The following C4orf50 variants were observed in gnomAD, a reference collection of about 807,000 sequenced individuals.
The protein encoded by C4orf50 is chromosome 4 open reading frame 50.
In C4orf50, 80 loss-of-function variants were observed where a neutral mutation model predicts 77.2. The observed-to-expected ratio is 1.04, with a 90% CI of 0.87 to 1.25. The LOEUF is 1.25. Ranked by LOEUF, C4orf50 falls within the 50% of genes most tolerant of loss-of-function variation. The pLI, the probability that C4orf50 is intolerant of heterozygous loss-of-function variation, is 0.00. For synonymous variants in C4orf50, 532 were observed against 465.3 expected, an observed-to-expected ratio of 1.14 and a Z score of -1.84; for missense variants, 1,257 against 1,152.9, an observed-to-expected ratio of 1.09 and a Z score of -1.31.
In C4orf50 at chr4:5,990,849, G is replaced by A. The variant is rs78032214; in HGVS notation, c.1222-25C>T. On this transcript the variant is annotated intron_variant, in intron 27 of 33. Transcript: ENST00000531445. ...GCTACAAATGGAGAGAGAAGATGAGGTGTGAAACAGCCCCTTCCTCCATTT... is the reference window on the plus strand; with the variant it reads ...GCTACAAATGGAGAGAGAAGATGAGATGTGAAACAGCCCCTTCCTCCATTT... 1,343 of 399,132 alleles carry A rather than the reference G, an allele frequency of 3.4e-3. 16 individuals carry two copies. Among genetic ancestry groups the A allele is most frequent in the African/African-American group, 0.025 (1,216 of 48,738 alleles). 24.7% of individuals were successfully genotyped at this position (399,132 alleles called of 1,614,324 possible). A position where few individuals can be genotyped will look rare whatever the true frequency, so the allele number is the denominator to read the frequency against.
intron 28 of C4orf50, among the ~76,000 whole-genome samples, chr4:5,981,372 G>C (rs1039990263): frequency 2.0e-5 from 3 of 151,724 alleles, no homozygotes; most frequent in Non-Finnish European, 4.4e-5. Flanking sequence ...AGATCATCAG[G>C]GGGTATTTCC....
In C4orf50 at chr4:5,964,683, G is replaced by A. The variant is rs184419378; in HGVS notation, c.4275+341C>T. ...CTTGGGAGGCTGAGGCAGGAGAATC[G>A]CTTGAAACCAGGAGGCAGAGGTTGC... is the stretch of plus-strand genomic sequence containing the variant. On this transcript the variant is annotated intron_variant, in intron 33 of 33. Coordinates refer to ENST00000531445, the Ensembl canonical transcript of C4orf50. Among the ~76,000 whole-genome samples the A allele has an allele frequency of 8.2e-3, 1,213 of 148,462 alleles. 20 individuals are homozygous for A. Among genetic ancestry groups the A allele is most frequent in the African/African-American group, 0.029 (1,152 of 39,990 alleles).
chr4:5,975,499 T>A (rs1175870270), intron 30 of C4orf50, among the ~76,000 whole-genome samples: 1 of 15,456 alleles, frequency 6.5e-5, no homozygotes. Flanking sequence ...GCGGTTTTTT[T>A]GTTTTGTTTT....
At chr4:5,980,531 A>G (rs150356934) in intron 28 of C4orf50, among the ~76,000 whole-genome samples, 193 bp from the exon 7 acceptor site, 1 of 152,210 alleles carries the variant, frequency 6.6e-6, no homozygotes, top group Non-Finnish European at 1.5e-5. Context: ...ATTATCCTGT[A>G]GAATCTTTAT....
chr4:6,016,534 G>C (rs1020549222), intron 23 of C4orf50, among the ~76,000 whole-genome samples: 1 of 152,176 alleles, frequency 6.6e-6, no homozygotes, highest in Non-Finnish European at 1.5e-5. Flanking sequence ...GGGTGACAGA[G>C]TAAGACTCCA....
intron 7 of C4orf50, among the ~76,000 whole-genome samples, chr4:5,935,784 T>TAAAAAAAAAAAAAAAAA (rs769910855): frequency 9.5e-5 from 3 of 31,494 alleles, no homozygotes; most frequent in African/African-American, 2.4e-4. Flanking sequence ...AGACTCCGTC[T>TAAAAAAAAAAAAAAAAA]AAAAAAAAAA....
intron 7 of C4orf50, among the ~76,000 whole-genome samples, chr4:5,948,169 G>A (rs1718561337): frequency 6.6e-6 from 1 of 152,240 alleles, no homozygotes; most frequent in Admixed American, 6.5e-5. Flanking sequence ...GACTGAGAGA[G>A]CAAGGCTCAT....
chr4:5,981,821 A>G (rs541251369), intron 28 of C4orf50, among the ~76,000 whole-genome samples: 25 of 143,888 alleles, frequency 1.7e-4, no homozygotes, highest in Admixed American at 1.7e-3. Context: ...ACGCTTCTCA[A>G]ACTCCCTTCC....
chr4:5,903,141 A>C (rs1716410936), intron 7 of C4orf50: 1 of 152,078 alleles, frequency 6.6e-6, no homozygotes, highest in Admixed American at 6.6e-5. Context: ...CAGTCCACTG[A>C]GTGGGGTGCC....
intron 7 of C4orf50, among the ~76,000 whole-genome samples, chr4:5,927,380 T>G (rs1717564578): frequency 6.6e-6 from 1 of 152,056 alleles, no homozygotes; most frequent in Non-Finnish European, 1.5e-5. Flanking sequence ...TTGTTTCCCC[T>G]GCCTGGAGCT....
rs1375255849 is a variant in C4orf50 at position 6,008,605 on chromosome 4, G to A, written c.427-73C>T. The A allele has an allele frequency of 5.1e-6, 2 of 395,476 alleles. No individual in the cohort carries two copies. Among genetic ancestry groups the A allele is most frequent in the Non-Finnish European group, 8.9e-6 (2 of 224,172 alleles). 24.5% of individuals were successfully genotyped at this position (395,476 alleles called of 1,614,324 possible). On this transcript the variant is annotated intron_variant, in intron 24 of 33. Coordinates refer to ENST00000531445, the Ensembl canonical transcript of C4orf50. This position sits in a 1 kb window ranked among gnomAD's most constrained non-coding sequence, Gnocchi z 6.0. ...CCATGGTTCACATTGGTCCTGTCTT[G>A]ACTTAACATTTCTGTATTTTGTGCA...
At chr4:5,976,481 A>T (rs1720296704) in intron 29 of C4orf50, among the ~76,000 whole-genome samples, 1 of 145,272 alleles carries the variant, frequency 6.9e-6, no homozygotes, top group South Asian at 2.2e-4. Flanking sequence ...AAAAAAAAAA[A>T]AGAATCAGCT....
chr4:5,970,176 A>AG lies in C4orf50; in HGVS notation c.4105-2715dup, dbSNP rs919681735. Among the ~76,000 whole-genome samples, 2 of 150,622 alleles carry AG rather than the reference A, an allele frequency of 1.3e-5. No individual in the cohort carries two copies. The highest frequency in any genetic ancestry group is 4.9e-5 in the African/African-American group (2 of 41,076). On this transcript the variant is annotated intron_variant, in intron 31 of 33. Coordinates refer to ENST00000531445, the Ensembl canonical transcript of C4orf50. This position sits in a 1 kb window ranked among gnomAD's most constrained non-coding sequence, Gnocchi z 4.3. ...AAAAAAAAAAAGGCCCACTGGGGCT[A>AG]GGGGTCGGGGGGCATAGAGAGGAAG...
rs1201187742 is a variant in C4orf50 at position 5,905,621 on chromosome 4, G to C, written c.*2475-7433C>G. ...GTATCTATCATACAATTATCAGCTTGCTTTCCAGGAAAGAATCTTAGCTTG... is the reference window on the plus strand; with the variant it reads ...GTATCTATCATACAATTATCAGCTTCCTTTCCAGGAAAGAATCTTAGCTTG... On this transcript the variant is annotated intron_variant, in intron 7 of 7. Transcript: ENST00000324058. The surrounding 1 kb of genome is among the most constrained non-coding windows in gnomAD (Gnocchi z 5.4). 6.6e-6 allele frequency among the ~76,000 whole-genome samples: 1 copy of C among 152,172 alleles called. No homozygotes were observed. The highest frequency in any genetic ancestry group is 1.5e-5 in the Non-Finnish European group (1 of 68,028).
rs1457217396 is a variant in C4orf50 at position 5,936,721 on chromosome 4, T to C, written c.*2474+20180A>G. On this transcript the variant is annotated intron_variant, in intron 7 of 7. Coordinates refer to the C4orf50 transcript ENST00000324058. ...GGGTTGAAGGTGTAATATTCAAATA[T>C]ATAACAGAATTTTTCAGAAATGCTG... 3.3e-5 allele frequency among the ~76,000 whole-genome samples: 5 copies of C among 152,148 alleles called. No homozygotes were observed. The East Asian group carries it at 7.7e-4, about 24-fold the overall frequency.
intron 7 of C4orf50, among the ~76,000 whole-genome samples, chr4:5,929,986 G>A (rs6857538): frequency 0.37 from 56,412 of 152,078 alleles, 11,183 homozygotes; most frequent in African/African-American, 0.5. Context: ...TTATGCCCTC[G>A]TGAATGTATT....
At chr4:5,930,854 C>T (rs1373539407) in intron 7 of C4orf50, among the ~76,000 whole-genome samples, 1 of 152,196 alleles carries the variant, frequency 6.6e-6, no homozygotes, top group Non-Finnish European at 1.5e-5. Flanking sequence ...ATGGGCCTGG[C>T]AGGTACTCCT....
chr4:5,918,045 A>T (rs376034839), intron 7 of C4orf50, among the ~76,000 whole-genome samples: 2 of 152,226 alleles, frequency 1.3e-5, no homozygotes, highest in East Asian at 1.9e-4. Flanking sequence ...CGAAAGGGCA[A>T]CATTTGATAA....
At chr4:5,915,260 C>T (rs1297369141) in intron 7 of C4orf50, among the ~76,000 whole-genome samples, 1 of 152,234 alleles carries the variant, frequency 6.6e-6, no homozygotes, top group Non-Finnish European at 1.5e-5. Context: ...TCACCATTTC[C>T]CATCATTTTG....
Sources: gnomAD v4.1 joint callset for allele counts (sites outside exome capture counted in the v4.1 genomes callset) on GRCh38, gnomAD v4.1.1 for gene constraint, Gnocchi (gnomAD v3.1) non-coding constraint, MANE v1.5 for transcripts, NCBI Gene and HGNC (gene_info 2026-07-23, HGNC 2026-07-21) for gene names.